Variants in ADAMTSL1 observed in about 807,000 individuals in gnomAD.
ADAMTSL1 encodes the protein ADAMTS-like protein 1.
Under a neutral mutation model 201.8 loss-of-function variants are expected in ADAMTSL1, and 126 were observed. The ratio of observed to expected loss-of-function variants is 0.62; its 90% CI spans 0.54 to 0.72. The LOEUF (loss-of-function observed/expected upper bound fraction) is 0.72. ADAMTSL1 is among the 30% of genes least tolerant of loss of function. The pLI is 0.00. For synonymous variants in ADAMTSL1, 1,121 were observed against 903.4 expected, an observed-to-expected ratio of 1.24 and a Z score of -4.32; for missense variants, 2,679 against 2,277.8, an observed-to-expected ratio of 1.18 and a Z score of -3.59.
intron 5 of ADAMTSL1, among the ~76,000 whole-genome samples, chr9:18,630,925 A>G (rs919515527): frequency 1.3e-5 from 2 of 152,070 alleles, no homozygotes; most frequent in Non-Finnish European, 2.9e-5. Context: ...CTAGAGGTTG[A>G]ATGTGTTCCA....
intron 1 of ADAMTSL1, among the ~76,000 whole-genome samples, chr9:18,061,636 G>C (rs1405746679): frequency 6.6e-6 from 1 of 152,216 alleles, no homozygotes; most frequent in East Asian, 1.9e-4. Flanking sequence ...TGCCCCCAGA[G>C]AAGCTGGGAT....
At chr9:18,554,794 A>G (rs1821007490) in intron 3 of ADAMTSL1, among the ~76,000 whole-genome samples, 1 of 151,488 alleles carries the variant, frequency 6.6e-6, no homozygotes, top group African/African-American at 2.4e-5. Flanking sequence ...TCTGCCTACC[A>G]CATGTACAGT....
At chr9:18,429,980 G>C (rs1819411705) in intron 2 of ADAMTSL1, among the ~76,000 whole-genome samples, 1 of 152,010 alleles carries the variant, frequency 6.6e-6, no homozygotes, top group South Asian at 2.1e-4. Context: ...AGTAGAGACA[G>C]GGTTTCACTA....
rs867174941 is a variant in ADAMTSL1 at position 18,684,649 on chromosome 9, G to A, written c.1490-67G>A. The A allele has an allele frequency of 1.8e-5, 28 of 1,523,152 alleles. No individual in the cohort carries two copies. The African/African-American group carries it at 3.0e-4, about 17-fold the overall frequency. The allele number at this position is 1,523,152 out of a possible 1,614,324, so 94.4% of individuals were successfully genotyped here. On this transcript the variant is annotated intron_variant, in intron 12 of 28. Coordinates refer to ENST00000380548, the MANE Select transcript of ADAMTSL1 (RefSeq NM_001040272.6). ...GTAACTTCTTGGTGAGGAGAATAAG[G>A]AATTTTCCTAAAATCCCAGATTGGT... is the stretch of plus-strand genomic sequence containing the variant.
At chr9:18,377,883 A>G (rs1837373140) in intron 2 of ADAMTSL1, among the ~76,000 whole-genome samples, 1 of 151,960 alleles carries the variant, frequency 6.6e-6, no homozygotes, top group Non-Finnish European at 1.5e-5. Flanking sequence ...ATTAACTTTT[A>G]TAAATATATT....
At chr9:18,522,590 C>T (rs1192001300) in intron 2 of ADAMTSL1, among the ~76,000 whole-genome samples, 1 of 142,668 alleles carries the variant, frequency 7.0e-6, no homozygotes, top group East Asian at 2.1e-4. Flanking sequence ...TCCCGCCCCC[C>T]TCCCCACACC....
intron 1 of ADAMTSL1, among the ~76,000 whole-genome samples, chr9:18,068,455 T>C (rs976269913): frequency 1.3e-5 from 2 of 152,162 alleles, no homozygotes; most frequent in South Asian, 4.1e-4. Context: ...CATATGCAAA[T>C]ACTAGACCAT....
At chr9:18,716,265 C>T (rs1832923018) in intron 14 of ADAMTSL1, among the ~76,000 whole-genome samples, 1 of 151,986 alleles carries the variant, frequency 6.6e-6, no homozygotes, top group African/African-American at 2.4e-5. Context: ...AGAGCTTCTG[C>T]ACAGCAAAAG....
At chr9:17,979,747 C>T (rs1364790391) in intron 1 of ADAMTSL1, among the ~76,000 whole-genome samples, 2 of 152,068 alleles carry the variant, frequency 1.3e-5, no homozygotes, top group Admixed American at 6.6e-5. Flanking sequence ...GAGTAAGTAC[C>T]TCTTTCAGGA....
intron 2 of ADAMTSL1, among the ~76,000 whole-genome samples, chr9:18,382,036 T>C (rs1253556279): frequency 6.6e-6 from 1 of 152,224 alleles, no homozygotes; most frequent in East Asian, 1.9e-4. Context: ...CTGCTTCTCC[T>C]GTAGCTGCTG....
intron 1 of ADAMTSL1, among the ~76,000 whole-genome samples, chr9:18,064,003 G>A (rs879256408): frequency 6.6e-6 from 1 of 151,954 alleles, no homozygotes; most frequent in Admixed American, 6.6e-5. Context: ...CCTCATTCAT[G>A]GCACCATGCA....
intron 15 of ADAMTSL1, among the ~76,000 whole-genome samples, chr9:18,728,081 AAAATAAATAAATAAATAAATAAATAAAT>A (rs61237330): frequency 1.2e-4 from 17 of 144,074 alleles, no homozygotes; most frequent in South Asian, 6.9e-4. Flanking sequence ...CTCTGTCTCA[AAAATAAATAAATAAATAAATAAATAAAT>A]AAATAAATAA....
At chr9:18,643,393 C>T (rs1381128456) in intron 7 of ADAMTSL1, among the ~76,000 whole-genome samples, 1 of 151,802 alleles carries the variant, frequency 6.6e-6, no homozygotes, top group Non-Finnish European at 1.5e-5. Flanking sequence ...TGATTGTTTC[C>T]TTCACTGTGC....
chr9:18,358,290 G>A (rs1836346898), intron 2 of ADAMTSL1, among the ~76,000 whole-genome samples: 3 of 152,158 alleles, frequency 2.0e-5, no homozygotes, highest in African/African-American at 7.2e-5. Context: ...GATAGTTGGA[G>A]TCAATTATTT....
At chr9:18,781,022 C>G (rs1272745855) in intron 19 of ADAMTSL1, among the ~76,000 whole-genome samples, 1 of 152,150 alleles carries the variant, frequency 6.6e-6, no homozygotes, top group Non-Finnish European at 1.5e-5. Flanking sequence ...CTCAGGAACA[C>G]CAATAATTCT....
chr9:18,195,617 G>C (rs1474079949), intron 2 of ADAMTSL1, among the ~76,000 whole-genome samples: 1 of 152,074 alleles, frequency 6.6e-6, no homozygotes, highest in African/African-American at 2.4e-5. Context: ...TCTTCTAGTG[G>C]TGTTTTCTTT....
intron 1 of ADAMTSL1, among the ~76,000 whole-genome samples, chr9:18,035,235 C>T (rs1397076049): frequency 6.6e-6 from 1 of 152,182 alleles, no homozygotes; most frequent in East Asian, 1.9e-4. Context: ...TAGACAGCGG[C>T]TTTTTATGGC....
intron 1 of ADAMTSL1, among the ~76,000 whole-genome samples, chr9:18,030,561 A>G (rs1374116144): frequency 6.6e-6 from 1 of 151,562 alleles, no homozygotes; most frequent in Non-Finnish European, 1.5e-5. Flanking sequence ...TATTAATAAA[A>G]AGAAAAAAAA....
At chr9:18,595,795 C>T (rs746061676) in intron 4 of ADAMTSL1, among the ~76,000 whole-genome samples, 1 of 152,206 alleles carries the variant, frequency 6.6e-6, no homozygotes, top group African/African-American at 2.4e-5. Context: ...AGGCCAAATG[C>T]GGCTGTAGCC....
Sources: allele counts gnomAD v4.1 joint callset (sites outside exome capture counted in the v4.1 genomes callset), GRCh38; gene constraint gnomAD v4.1.1; transcripts MANE v1.5; gene names NCBI Gene and HGNC (gene_info 2026-07-23, HGNC 2026-07-21).